The following SH3RF3 variants were observed in gnomAD, a reference collection of about 807,000 sequenced individuals.
SH3RF3 encodes the protein E3 ubiquitin-protein ligase SH3RF3.
In SH3RF3, 29 loss-of-function variants were observed where a neutral mutation model predicts 66.3. The ratio of observed to expected loss-of-function variants is 0.44; its 90% confidence interval spans 0.33 to 0.60. The LOEUF (loss-of-function observed/expected upper bound fraction) is 0.60, where lower values mean the gene tolerates loss of function less well. SH3RF3 is among the 20% of genes least tolerant of loss of function. The pLI is 0.04. For missense variants in SH3RF3, 1,194 were observed against 1,190.9 expected (o/e 1.00, Z -0.04); for synonymous variants, 583 against 532.0 (o/e 1.10, Z -1.32).
At chr2:109,198,859 C>A (rs1213030538) in intron 1 of SH3RF3, among the ~76,000 whole-genome samples, 1 of 152,202 alleles carries the variant, frequency 6.6e-6, no homozygotes, top group East Asian at 1.9e-4. Flanking sequence ...CAGGATGTGA[C>A]TATACTGAAC....
At chr2:109,170,286 TCTCTTCTCTTCTCTTCTC>T (rs1558938256) in intron 1 of SH3RF3, among the ~76,000 whole-genome samples, 3 of 103,382 alleles carry the variant, frequency 2.9e-5, no homozygotes, top group Admixed American at 1.1e-4. Context: ...TCTCTTCTCT[TCTCTTCTCTTCTCTTCTC>T]TTCTCTTCTC....
chr2:109,490,378 C>T (rs761144531), intron 8 of SH3RF3, among the ~76,000 whole-genome samples: 77 of 152,210 alleles, frequency 5.1e-4, no homozygotes, highest in African/African-American at 1.8e-3. Flanking sequence ...CAAGCGTCAC[C>T]TGGCCCTCAC....
intron 3 of SH3RF3, among the ~76,000 whole-genome samples, chr2:109,388,491 C>T (rs776450403): frequency 1.3e-5 from 2 of 152,200 alleles, no homozygotes; most frequent in Non-Finnish European, 2.9e-5. Context: ...CCCCCAGGTA[C>T]TCTCAGCTGC....
At chr2:109,207,308 T>C (rs1678863852) in intron 1 of SH3RF3, among the ~76,000 whole-genome samples, 1 of 152,186 alleles carries the variant, frequency 6.6e-6, no homozygotes, top group African/African-American at 2.4e-5. Context: ...ATTAAAGAAT[T>C]TGTCTCTAAT....
intron 2 of SH3RF3, among the ~76,000 whole-genome samples, chr2:109,369,525 G>A (rs1289842760): frequency 6.6e-6 from 1 of 152,184 alleles, no homozygotes; most frequent in Non-Finnish European, 1.5e-5. Context: ...GGAAAAAGTG[G>A]CATTGTAAAG....
At chr2:109,350,123 T>A (rs1048326040) in intron 2 of SH3RF3, among the ~76,000 whole-genome samples, 2 of 152,354 alleles carry the variant, frequency 1.3e-5, no homozygotes, top group South Asian at 2.1e-4. Flanking sequence ...GTTCCATATT[T>A]CACAAGAAAC....
At chr2:109,426,435 A>T (rs1432985782) in intron 5 of SH3RF3, among the ~76,000 whole-genome samples, 1 of 152,214 alleles carries the variant, frequency 6.6e-6, no homozygotes, top group Middle Eastern at 3.2e-3. Context: ...ACTTCAGTGT[A>T]GGAAGTCACC....
intron 1 of SH3RF3, among the ~76,000 whole-genome samples, chr2:109,324,089 C>T (rs1682093207): frequency 6.6e-6 from 1 of 152,212 alleles, no homozygotes; most frequent in Non-Finnish European, 1.5e-5. Context: ...TTACTTCTTT[C>T]ACTTAGCATA....
chr2:109,137,493 C>G (rs919953538), intron 1 of SH3RF3, among the ~76,000 whole-genome samples: 2 of 152,140 alleles, frequency 1.3e-5, no homozygotes, highest in Non-Finnish European at 2.9e-5. Flanking sequence ...GTGGCTAGGA[C>G]GATGGAGGTC....
intron 1 of SH3RF3, among the ~76,000 whole-genome samples, chr2:109,268,742 TAAA>T (rs11428324): frequency 6.7e-6 from 1 of 150,078 alleles, no homozygotes; most frequent in African/African-American, 2.4e-5. Flanking sequence ...TACTTTATTA[TAAA>T]AAAAAAAAGG....
At chr2:109,496,446 C>T (rs566846263) in intron 9 of SH3RF3, among the ~76,000 whole-genome samples, 3 of 152,218 alleles carry the variant, frequency 2.0e-5, no homozygotes, top group Non-Finnish European at 2.9e-5. Flanking sequence ...AGTCCCCACT[C>T]GACCCAGGAA....
chr2:109,311,457 A>G (rs1308841855), intron 1 of SH3RF3, among the ~76,000 whole-genome samples: 3 of 147,214 alleles, frequency 2.0e-5, no homozygotes, highest in East Asian at 2.1e-4. Flanking sequence ...CTCTCTCACC[A>G]CTCCTATTCA....
At chr2:109,233,065 G>A (rs1679552459) in intron 1 of SH3RF3, among the ~76,000 whole-genome samples, 4 of 152,192 alleles carry the variant, frequency 2.6e-5, no homozygotes, top group Admixed American at 2.6e-4. Context: ...GCCGGAGCTA[G>A]TGCTTTTGGG....
At chr2:109,144,044 CG>C (rs1010323427) in intron 1 of SH3RF3, among the ~76,000 whole-genome samples, 60 of 152,162 alleles carry the variant, frequency 3.9e-4, no homozygotes, top group Admixed American at 1.6e-3. Context: ...TACGAGGCGC[CG>C]GAAGTGTGGG....
At chr2:109,473,856 G>T (rs144801431) in intron 8 of SH3RF3, among the ~76,000 whole-genome samples, 5 of 152,068 alleles carry the variant, frequency 3.3e-5, no homozygotes, top group Non-Finnish European at 7.4e-5. Flanking sequence ...TCCCTGAACC[G>T]CTCTCCTTGT....
At chr2:109,300,214 C>T (rs12620536) in intron 1 of SH3RF3, among the ~76,000 whole-genome samples, 5,116 of 151,748 alleles carry the variant, frequency 0.034, 207 homozygotes, top group African/African-American at 0.09. Flanking sequence ...TTTTTCTTTT[C>T]TTTGAGATAG....
chr2:109,181,229 G>A (rs12465758), intron 1 of SH3RF3, among the ~76,000 whole-genome samples: 124,640 of 152,200 alleles, frequency 0.82, 51,178 homozygotes, highest in East Asian at 0.89. Context: ...GAAAAGTTGA[G>A]AAAACAGAAC....
chr2:109,274,307 A>C (rs899407723), intron 1 of SH3RF3, among the ~76,000 whole-genome samples: 4 of 152,234 alleles, frequency 2.6e-5, no homozygotes, highest in Non-Finnish European at 4.4e-5. Context: ...AAGAATTAAA[A>C]AACAGGTGGT....
Position 109,164,920 on chromosome 2 carries a change from G to A in SH3RF3, c.573+34807G>A, listed in dbSNP as rs112622267. Reference sequence around the variant, plus strand: ...GGATGATGGTCATGACACTACAACTGGACCATTGCAAATAAAAATGACAAT... The same window carrying A: ...GGATGATGGTCATGACACTACAACTAGACCATTGCAAATAAAAATGACAAT... On this transcript the variant is annotated intron_variant, in intron 1 of 9. Transcript: ENST00000309415. 2.8e-3 allele frequency among the ~76,000 whole-genome samples: 424 copies of A among 152,250 alleles called. 2 individuals are homozygous for A. The highest frequency in any genetic ancestry group is 9.4e-3 in the African/African-American group (391 of 41,534).
Sources: gnomAD v4.1 joint callset for allele counts (sites outside exome capture counted in the v4.1 genomes callset) on GRCh38, gnomAD v4.1.1 for gene constraint, MANE v1.5 for transcripts, NCBI Gene and HGNC (gene_info 2026-07-23, HGNC 2026-07-21) for gene names.